The following AGBL4 variants were observed in gnomAD, a reference collection of about 807,000 sequenced individuals.
The protein encoded by AGBL4 is cytosolic carboxypeptidase 6.
A neutral mutation model predicts 66.4 loss-of-function variants in AGBL4; 58 were observed. The observed-to-expected ratio is 0.87, with a 90% CI of 0.71 to 1.09. The LOEUF is 1.09. Among genes scored for constraint, AGBL4 ranks in the 50% least tolerant of loss-of-function variants. AGBL4 has a pLI of 0.00. For synonymous variants in AGBL4, 234 were observed against 222.9 expected, an observed-to-expected ratio of 1.05 and a Z score of -0.44; for missense variants, 579 against 631.0, an observed-to-expected ratio of 0.92 and a Z score of 0.88.
At chr1:49,236,850 T>G (rs925154703) in intron 4 of AGBL4, among the ~76,000 whole-genome samples, 1 of 152,212 alleles carries the variant, frequency 6.6e-6, no homozygotes, top group Non-Finnish European at 1.5e-5. Context: ...TCCTCTTGAA[T>G]TATAATTCCC....
At chr1:49,706,788 C>T (rs1373363974) in intron 2 of AGBL4, among the ~76,000 whole-genome samples, 2 of 152,028 alleles carry the variant, frequency 1.3e-5, no homozygotes, top group East Asian at 3.9e-4. Flanking sequence ...TTATTTCTGC[C>T]CTAATTTTAT....
At chr1:49,893,259 A>C (rs1648836044) in intron 1 of AGBL4, among the ~76,000 whole-genome samples, 2 of 152,238 alleles carry the variant, frequency 1.3e-5, no homozygotes, top group South Asian at 4.1e-4. Context: ...ACACAGGACC[A>C]GAAGGACAGA....
chr1:49,966,026 CT>C (rs1184820727), intron 1 of AGBL4, among the ~76,000 whole-genome samples: 21 of 150,574 alleles, frequency 1.4e-4, no homozygotes, highest in African/African-American at 5.1e-4. Context: ...ACTGCAAGCT[CT>C]GCCTTCCGGG....
At chr1:49,177,769 TG>T (rs1646858930) in intron 4 of AGBL4, among the ~76,000 whole-genome samples, 1 of 151,610 alleles carries the variant, frequency 6.6e-6, no homozygotes. Flanking sequence ...TATTGAGGAG[TG>T]GGGAGGGCAT....
chr1:49,364,773 G>A (rs558035563), intron 3 of AGBL4, among the ~76,000 whole-genome samples: 74 of 152,218 alleles, frequency 4.9e-4, no homozygotes, highest in African/African-American at 1.2e-3. Flanking sequence ...CCACCGTGCC[G>A]GGCCCATGTG....
chr1:49,926,862 G>A (rs1652829959), intron 1 of AGBL4, among the ~76,000 whole-genome samples: 1 of 151,936 alleles, frequency 6.6e-6, no homozygotes, highest in Admixed American at 6.6e-5. Context: ...AGAACTAATA[G>A]GATATATATA....
chr1:49,629,713 T>C (rs1891667), intron 3 of AGBL4, among the ~76,000 whole-genome samples: 104,287 of 152,024 alleles, frequency 0.69, 36,557 homozygotes, highest in African/African-American at 0.79. Context: ...TGTACAGTCA[T>C]CCAAATACAT....
intron 2 of AGBL4, among the ~76,000 whole-genome samples, chr1:49,801,152 G>T (rs1299053389): frequency 6.6e-6 from 1 of 152,114 alleles, no homozygotes; most frequent in Non-Finnish European, 1.5e-5. Flanking sequence ...ACCACAATGA[G>T]ATACCATCTC....
In AGBL4 at chr1:49,414,520, C is replaced by T. The variant is rs527531134; in HGVS notation, c.283-168656G>A. 7.3e-4 allele frequency among the ~76,000 whole-genome samples: 111 copies of T among 152,218 alleles called. 1 individual carries two copies. The South Asian group carries it at 0.023, about 31-fold the overall frequency. On this transcript the variant is annotated intron_variant, in intron 3 of 13. Transcript: ENST00000371839. ...ATGGACACCGGTTTTGAGAGAATTA[C>T]TACATCTGTCAATGGTTATATGCAA...
intron 6 of AGBL4, among the ~76,000 whole-genome samples, chr1:48,748,290 G>A (rs994567592): frequency 5.9e-5 from 9 of 152,314 alleles, no homozygotes; most frequent in East Asian, 3.9e-4. Flanking sequence ...CTGCTGTAGC[G>A]TGCCTCTGTT....
At position 49,409,701 on chromosome 1, in the gene AGBL4, CATT is replaced by C. The variant is rs1241801464; in HGVS notation, c.283-163840_283-163838del. ...ATATTTCAATTTAATTGTTAAAAGACATTATTATCTATTTCAAAGGATTTATTT... is the reference window on the plus strand; with the variant it reads ...ATATTTCAATTTAATTGTTAAAAGACATTATCTATTTCAAAGGATTTATTT... On this transcript the variant is annotated intron_variant, in intron 3 of 13. Transcript: ENST00000371839. 3.9e-5 allele frequency among the ~76,000 whole-genome samples: 6 copies of C among 152,198 alleles called. No homozygotes were observed. In the East Asian group the frequency reaches 1.2e-3, roughly 29 times the overall value.
In AGBL4 at chr1:49,758,855, G is replaced by A. The variant is rs879653962; in HGVS notation, c.158-61418C>T. Reference sequence around the variant, plus strand: ...CAAAATTTTGTTTTGAAATGTGAGGGCATGAGATTTTGGAGGGGCCAGAGG... The same window carrying A: ...CAAAATTTTGTTTTGAAATGTGAGGACATGAGATTTTGGAGGGGCCAGAGG... On this transcript the variant is annotated intron_variant, in intron 2 of 13. Coordinates refer to ENST00000371839, the MANE Select transcript of AGBL4 (RefSeq NM_032785.4). Among the ~76,000 whole-genome samples the A allele has an allele frequency of 7.9e-5, 12 of 152,018 alleles. No homozygotes were observed. The East Asian group carries it at 1.7e-3, about 22-fold the overall frequency.
chr1:49,095,600 A>G (rs1296044504), intron 4 of AGBL4, among the ~76,000 whole-genome samples: 1 of 152,194 alleles, frequency 6.6e-6, no homozygotes, highest in African/African-American at 2.4e-5. Flanking sequence ...AGGATTCCCT[A>G]TTTAATAAAT....
chr1:49,088,679 A>G (rs941872413), intron 4 of AGBL4, among the ~76,000 whole-genome samples: 2 of 152,188 alleles, frequency 1.3e-5, no homozygotes, highest in Admixed American at 1.3e-4. Context: ...CATTGACAGT[A>G]TTAGACAGAT....
In AGBL4 at chr1:49,657,189, C is replaced by T. The variant is rs570730875; in HGVS notation, c.282+40124G>A. Among the ~76,000 whole-genome samples, 6 of 152,246 alleles carry T rather than the reference C, an allele frequency of 3.9e-5. No individual in the cohort carries two copies. The South Asian group carries it at 1.2e-3, about 32-fold the overall frequency. On this transcript the variant is annotated intron_variant, in intron 3 of 13. Coordinates refer to ENST00000371839, the MANE Select transcript of AGBL4 (RefSeq NM_032785.4). ...GGATACAAAATCAATGTGCAAAAAT[C>T]ACAAACATTCTTATACACCAATAAC...
rs557082944 is a variant in AGBL4 at position 49,350,708 on chromosome 1, G to A, written c.283-104844C>T. Among the ~76,000 whole-genome samples the A allele has an allele frequency of 2.0e-3, 300 of 152,142 alleles. 8 individuals are homozygous for A. In the South Asian group the frequency reaches 0.056, roughly 28 times the overall value. On this transcript the variant is annotated intron_variant, in intron 3 of 13. Coordinates refer to ENST00000371839, the MANE Select transcript of AGBL4 (RefSeq NM_032785.4). Reference sequence around the variant, plus strand: ...TGAGATTTTGATGCACCCATCACCCGAGCAGTGTACACTGCACCCAATGTG... The same window carrying A: ...TGAGATTTTGATGCACCCATCACCCAAGCAGTGTACACTGCACCCAATGTG...
intron 8 of AGBL4, among the ~76,000 whole-genome samples, chr1:48,645,732 A>G (rs2148430567): frequency 6.6e-6 from 1 of 152,330 alleles, no homozygotes; most frequent in South Asian, 2.1e-4. Flanking sequence ...AAATAGTGCC[A>G]GGTTCAGAAG....
At chr1:48,687,976 T>C (rs1175395357) in intron 6 of AGBL4, among the ~76,000 whole-genome samples, 2 of 152,214 alleles carry the variant, frequency 1.3e-5, no homozygotes, top group Non-Finnish European at 2.9e-5. Flanking sequence ...CATTACCCCC[T>C]GATGTGTATA....
chr1:49,009,172 G>A (rs1188745944), intron 5 of AGBL4, among the ~76,000 whole-genome samples: 36 of 151,734 alleles, frequency 2.4e-4, no homozygotes, highest in Non-Finnish European at 3.8e-4. Context: ...TCAAATAGAC[G>A]CAATAAAAAA....
Sources: allele counts gnomAD v4.1 joint callset (sites outside exome capture counted in the v4.1 genomes callset), GRCh38; gene constraint gnomAD v4.1.1; transcripts MANE v1.5; gene names NCBI Gene and HGNC (gene_info 2026-07-23, HGNC 2026-07-21).